Variants in SERTM1 observed in about 807,000 individuals in gnomAD.
SERTM1 encodes the protein serine rich and transmembrane domain containing 1, also known as serine-rich and transmembrane domain-containing protein 1.
SERTM1 carries 1 observed loss-of-function variant against 5.5 expected under a neutral mutation model. The ratio of observed to expected loss-of-function variants is 0.18; its 90% confidence interval spans 0.06 to 0.86. The LOEUF (loss-of-function observed/expected upper bound fraction) is 0.86. Ranked by LOEUF, SERTM1 falls within the 40% of genes least tolerant of loss-of-function variation. The pLI is 0.69. For synonymous variants in SERTM1, 52 were observed against 55.1 expected (o/e 0.94, Z 0.25); for missense variants, 91 against 122.4 (o/e 0.74, Z 1.21).
intron 1 of SERTM1, among the ~76,000 whole-genome samples, chr13:36,675,504 C>T (rs1168017814): frequency 6.6e-6 from 1 of 152,114 alleles, no homozygotes; most frequent in East Asian, 1.9e-4. Flanking sequence ...TGCGGAGCCC[C>T]ATGCACCCTC....
At chr13:36,693,964 C>A (rs1311639701) in intron 1 of SERTM1, among the ~76,000 whole-genome samples, 1 of 152,080 alleles carries the variant, frequency 6.6e-6, no homozygotes, top group African/African-American at 2.4e-5. Flanking sequence ...AAATGGTCCC[C>A]CCTCCACACT....
chr13:36,684,600 G>A (rs960280810), intron 1 of SERTM1, among the ~76,000 whole-genome samples: 9 of 151,994 alleles, frequency 5.9e-5, no homozygotes, highest in Non-Finnish European at 1.3e-4. Flanking sequence ...ACTTGGGGAT[G>A]CCCTCACTAC....
intron 1 of SERTM1, among the ~76,000 whole-genome samples, chr13:36,678,890 T>TAC (rs1455239145): frequency 2.6e-5 from 4 of 151,982 alleles, no homozygotes; most frequent in African/African-American, 4.8e-5. Context: ...ATGTATCATT[T>TAC]ACACTGTTAT....
Sources: allele counts gnomAD v4.1 joint callset (sites outside exome capture counted in the v4.1 genomes callset), GRCh38; gene constraint gnomAD v4.1.1; transcripts MANE v1.5; gene names NCBI Gene and HGNC (gene_info 2026-07-23, HGNC 2026-07-21).